Variants in FAM90A20 observed in about 807,000 individuals in gnomAD.
FAM90A20 encodes protein FAM90A20.
At chr8:7,297,267 C>A in the FAM90A20 span, 1 of 1,407,198 alleles carries the variant, frequency 7.1e-7, no homozygotes, top group Non-Finnish European at 9.8e-7. Context: ...ATCCCTCGGC[C>A]TGCAGTCAGG....
At chr8:7,295,864 G>T in the FAM90A20 span, 410 of 678,962 alleles carry the variant, frequency 6.0e-4, 33 homozygotes, top group South Asian at 5.9e-3. Context: ...CCACTCTTAG[G>T]GTACTGCCTC....
At chr8:7,296,787 C>T in the FAM90A20 span, among the ~76,000 whole-genome samples, 3 of 136,076 alleles carry the variant, frequency 2.2e-5, no homozygotes, top group Non-Finnish European at 4.5e-5. Flanking sequence ...TCATGGAAGG[C>T]TGAGTGGAGG....
the FAM90A20 span, chr8:7,297,707 G>C: frequency 1.4e-6 from 2 of 1,460,680 alleles, no homozygotes; most frequent in Non-Finnish European, 9.3e-7. Context: ...GCCCAGCGTT[G>C]AACGGCAGCC....
chr8:7,297,575 C>T, the FAM90A20 span: 12 of 1,509,530 alleles, frequency 7.9e-6, 1 homozygote, highest in Admixed American at 8.5e-5. Context: ...CTTCCAGATC[C>T]CCGAAAGCAC....
At chr8:7,297,279 A>G in the FAM90A20 span, 11 of 1,371,254 alleles carry the variant, frequency 8.0e-6, no homozygotes, top group Middle Eastern at 2.5e-4. Flanking sequence ...GCAGTCAGGC[A>G]CCAGGTCCAC....
chr8:7,296,895 T>G, the FAM90A20 span, among the ~76,000 whole-genome samples: 15,314 of 136,424 alleles, frequency 0.11, 4,530 homozygotes, highest in African/African-American at 0.36. Flanking sequence ...CATGTGTCTT[T>G]TCCTGATCAG....
chr8:7,297,777 C>T, the FAM90A20 span: 8 of 1,436,164 alleles, frequency 5.6e-6, no homozygotes, highest in East Asian at 9.0e-5. Context: ...CATCACCCAG[C>T]GGCCAGCCAT....
At chr8:7,296,046 G>T in the FAM90A20 span, among the ~76,000 whole-genome samples, 1 of 130,048 alleles carries the variant, frequency 7.7e-6, no homozygotes, top group Admixed American at 7.0e-5. Context: ...GGCGCTTCAT[G>T]CAGGTTCCCC....
chr8:7,297,639 C>T, the FAM90A20 span: 9 of 1,409,700 alleles, frequency 6.4e-6, no homozygotes, highest in Admixed American at 8.5e-5. Flanking sequence ...CCACCAGCCG[C>T]AACCGAACTT....
chr8:7,297,203 A>T, the FAM90A20 span: 4 of 1,533,346 alleles, frequency 2.6e-6, 1 homozygote, highest in African/African-American at 6.0e-5. Context: ...AGCCAGTCTG[A>T]GCTCCTCCTC....
chr8:7,295,570 C>G, the FAM90A20 span: 15 of 671,082 alleles, frequency 2.2e-5, 2 homozygotes, highest in Middle Eastern at 3.8e-4. Context: ...CCAATGTTAA[C>G]GTGGGATCGC....
chr8:7,296,942 C>T, the FAM90A20 span: 364 of 860,938 alleles, frequency 4.2e-4, 45 homozygotes, highest in African/African-American at 2.5e-3. Context: ...TTCCAAGGAC[C>T]GCCTGTCGAT....
At chr8:7,296,283 C>T in the FAM90A20 span, 3 of 726,420 alleles carry the variant, frequency 4.1e-6, no homozygotes, top group South Asian at 1.4e-5. Context: ...TTTTTCTGTT[C>T]TGCAGGCAAC....
chr8:7,297,342 G>C, the FAM90A20 span: 2 of 1,397,716 alleles, frequency 1.4e-6, no homozygotes, highest in Non-Finnish European at 2.0e-6. Flanking sequence ...GGTAGCTGCC[G>C]AGAAGTTCCC....
the FAM90A20 span, chr8:7,296,271 C>A: frequency 4.9e-5 from 35 of 718,132 alleles, 2 homozygotes; most frequent in East Asian, 6.9e-4. Flanking sequence ...CACGGCCTGA[C>A]CTTTTTCTGT....
the FAM90A20 span, chr8:7,295,788 G>A: frequency 5.7e-6 from 7 of 1,232,256 alleles, 2 homozygotes; most frequent in Non-Finnish European, 5.7e-6. Context: ...GCCAACCCGG[G>A]GCCCTTGAAC....
the FAM90A20 span, among the ~76,000 whole-genome samples, chr8:7,296,623 A>G: frequency 7.4e-6 from 1 of 135,300 alleles, no homozygotes; most frequent in Non-Finnish European, 1.5e-5. Context: ...AAGCCTGCCA[A>G]CAACACGTTC....
the FAM90A20 span, chr8:7,297,043 G>T: frequency 4.3e-5 from 64 of 1,478,742 alleles, 18 homozygotes; most frequent in African/African-American, 8.9e-4. Context: ...TCTAACCTGT[G>T]TTGTTTCCTC....
At chr8:7,296,919 G>A in the FAM90A20 span, 1 of 688,808 alleles carries the variant, frequency 1.5e-6, no homozygotes, top group Non-Finnish European at 2.4e-6. Flanking sequence ...TCAGGTGGAG[G>A]GTCTGTCCCT....
Sources: allele counts gnomAD v4.1 joint callset (sites outside exome capture counted in the v4.1 genomes callset), GRCh38; gene constraint gnomAD v4.1.1; transcripts MANE v1.5; gene names NCBI Gene and HGNC (gene_info 2026-07-23, HGNC 2026-07-21).